The following EYA3 variants were observed in gnomAD, a reference collection of about 807,000 sequenced individuals.
EYA3 encodes protein phosphatase EYA3.
EYA3 carries 39 observed loss-of-function variants against 80.0 expected under a neutral mutation model. That is an observed-to-expected ratio of 0.49 (90% CI 0.38 to 0.64). The LOEUF is 0.64. Among genes scored for constraint, EYA3 ranks in the 30% least tolerant of loss-of-function variants. The pLI is 0.00. For missense variants in EYA3, 523 were observed against 676.1 expected, an observed-to-expected ratio of 0.77 and a Z score of 2.51; for synonymous variants, 206 against 232.8, an observed-to-expected ratio of 0.88 and a Z score of 1.05.
chr1:28,007,354 C>T lies in EYA3; in HGVS notation c.910-2935G>A, dbSNP rs188370402. Among the ~76,000 whole-genome samples the T allele has an allele frequency of 1.4e-3, 194 of 139,186 alleles. 1 individual carries two copies. Among genetic ancestry groups the T allele is most frequent in the Admixed American group, 2.3e-3 (32 of 13,876 alleles). 91.3% of individuals were successfully genotyped at this position (139,186 alleles called of 152,430 possible). On this transcript the variant is annotated intron_variant, in intron 10 of 17. Transcript: ENST00000373871. ...CTTTCTTTCTTTTTTTTTTTTTTTCCGAGACAGTCTTGCTCTGTCACCCAG... is the reference window on the plus strand; with the variant it reads ...CTTTCTTTCTTTTTTTTTTTTTTTCTGAGACAGTCTTGCTCTGTCACCCAG...
At position 28,063,968 on chromosome 1, in the gene EYA3, A is replaced by G. The variant is rs555521390; in HGVS notation, c.-68-5874T>C. The stretch of plus-strand genomic sequence containing the variant: ...AACATTTTTCACCCACACATTTTAG[A>G]CAATTTTTTTTTTTTGGCCAAGATT... On this transcript the variant is annotated intron_variant, in intron 1 of 17. Transcript: ENST00000373871. 1.4e-3 allele frequency among the ~76,000 whole-genome samples: 215 copies of G among 152,196 alleles called. 1 individual carries two copies. Among genetic ancestry groups the G allele is most frequent in the African/African-American group, 4.8e-3 (198 of 41,526 alleles).
intron 1 of EYA3, among the ~76,000 whole-genome samples, chr1:28,067,218 T>C (rs561292404): frequency 1.3e-5 from 2 of 152,340 alleles, no homozygotes; most frequent in South Asian, 4.1e-4. Flanking sequence ...AAGCAAACTC[T>C]ACTTTTAAAA....
At chr1:28,088,039 A>C (rs1645730326) in intron 1 of EYA3, among the ~76,000 whole-genome samples, 1 of 152,184 alleles carries the variant, frequency 6.6e-6, no homozygotes, top group African/African-American at 2.4e-5. Flanking sequence ...CCCAGGAGGA[A>C]GGATCAAAGC....
chr1:28,080,678 C>T (rs1014293414), intron 1 of EYA3, among the ~76,000 whole-genome samples: 1 of 151,116 alleles, frequency 6.6e-6, no homozygotes, highest in Admixed American at 6.6e-5. Context: ...AAAAAAATGG[C>T]CAGTCAAAAA....
chr1:28,030,235 T>C (rs1259719544), intron 6 of EYA3, among the ~76,000 whole-genome samples: 1 of 152,186 alleles, frequency 6.6e-6, no homozygotes, highest in Non-Finnish European at 1.5e-5. Flanking sequence ...TAAGTACATT[T>C]AGGAATAGTA....
chr1:28,028,048 G>A, intron 6 of EYA3, 122 bp from the exon 7 acceptor site: 2 of 1,151,290 alleles, frequency 1.7e-6, no homozygotes, highest in Non-Finnish European at 2.4e-6. Context: ...AAATTTGCTT[G>A]TAAGAGAAAA....
chr1:28,060,073 T>C (rs1030458807), intron 1 of EYA3, among the ~76,000 whole-genome samples: 1 of 152,156 alleles, frequency 6.6e-6, no homozygotes, highest in African/African-American at 2.4e-5. Context: ...TTACATGTTT[T>C]CCCTAATTGA....
At chr1:28,047,194 G>A (rs561290399) in intron 3 of EYA3, among the ~76,000 whole-genome samples, 97 of 151,706 alleles carry the variant, frequency 6.4e-4, no homozygotes, top group Non-Finnish European at 1.2e-3. Context: ...GTGCAGTGGC[G>A]CATTCTTGGC....
intron 1 of EYA3, among the ~76,000 whole-genome samples, chr1:28,072,377 A>C (rs1234485262): frequency 6.6e-6 from 1 of 152,164 alleles, no homozygotes; most frequent in African/African-American, 2.4e-5. Flanking sequence ...CATTCAGAGG[A>C]GATTCCAAAA....
intron 5 of EYA3, among the ~76,000 whole-genome samples, chr1:28,037,597 C>T (rs1381422325): frequency 6.6e-6 from 1 of 152,162 alleles, no homozygotes; most frequent in African/African-American, 2.4e-5. Flanking sequence ...TGTGTTTTCA[C>T]ATTTAGTATC....
rs750864945 is a variant in EYA3 at position 28,017,213 on chromosome 1, A to C, written c.526T>G (p.Ser176Ala). 6.2e-7 allele frequency: 1 copy of C among 1,613,930 alleles called. No homozygotes were observed. The highest frequency in any genetic ancestry group is 8.5e-7 in the Non-Finnish European group (1 of 1,179,830). The change falls in exon 8 of 18, where the codon TCT becomes GCT. Residue 176 changes from serine to alanine, a missense_variant. Transcript: ENST00000373871. ...QASSTNASLI[S>A]TSSTIANIPA... ...ATATTGGCAATTGTAGAAGAAGTAGATATCAGGCTGGCATTTGTGCTTGAA... is the reference window on the plus strand; with the variant it reads ...ATATTGGCAATTGTAGAAGAAGTAGCTATCAGGCTGGCATTTGTGCTTGAA...
At chr1:28,037,748 T>G (rs1424187584) in intron 5 of EYA3, among the ~76,000 whole-genome samples, 2 of 152,234 alleles carry the variant, frequency 1.3e-5, no homozygotes, top group Non-Finnish European at 2.9e-5. Context: ...ACTTTTTAAT[T>G]AGTTTATTTT....
chr1:28,052,674 T>G (rs1644292980), intron 2 of EYA3, among the ~76,000 whole-genome samples: 1 of 152,210 alleles, frequency 6.6e-6, no homozygotes, highest in Non-Finnish European at 1.5e-5. Context: ...CCGGAGGCAG[T>G]GGCTCACACC....
intron 17 of EYA3, 98 bp from the exon 18 acceptor site, chr1:27,974,644 T>C: frequency 1.0e-6 from 1 of 956,938 alleles, no homozygotes; most frequent in South Asian, 1.5e-5. Flanking sequence ...CTCCCCAAGG[T>C]ACATGGTAAC....
Position 28,070,584 on chromosome 1 carries a change from AATAAG to A in EYA3, c.-68-12495_-68-12491del, listed in dbSNP as rs368853288. ...CTCAAAAAAAAGAGAAAGAAATGTA[AATAAG>A]ATAAGAGAACACAACTGTACATACA... is the stretch of plus-strand genomic sequence containing the variant. On this transcript the variant is annotated intron_variant, in intron 1 of 17. Coordinates refer to ENST00000373871, the MANE Select transcript of EYA3 (RefSeq NM_001990.4). Among the ~76,000 whole-genome samples the A allele has an allele frequency of 4.6e-4, 70 of 152,172 alleles. No homozygotes were observed. In the East Asian group the frequency reaches 0.011, roughly 24 times the overall value.
intron 3 of EYA3, among the ~76,000 whole-genome samples, chr1:28,046,802 G>C (rs775548132): frequency 1.3e-5 from 2 of 151,760 alleles, no homozygotes; most frequent in Non-Finnish European, 2.9e-5. Flanking sequence ...GTTTGTAAGG[G>C]ACTAATTACA....
intron 1 of EYA3, among the ~76,000 whole-genome samples, chr1:28,074,448 T>C (rs1189700660): frequency 2.0e-5 from 3 of 152,054 alleles, no homozygotes; most frequent in African/African-American, 7.2e-5. Flanking sequence ...TGGACTAATA[T>C]AATATAGTTC....
At position 28,048,421 on chromosome 1, in the gene EYA3, T is replaced by A. The variant is rs1644114052; in HGVS notation, c.39A>T (p.Lys13Asn). Reference protein sequence around the residue: ...EEQDLPEQPVKKAKMQESGEQ... With the variant: ...EEQDLPEQPVNKAKMQESGEQ... ...CTCCTGATTCCTGCATCTTGGCTTT[T>A]TTCACCTGCAAAAATAAATATACAA... The change falls in exon 3 of 18, where the codon AAA becomes AAT. Residue 13 changes from lysine to asparagine, a missense_variant. Around this residue, in one of 2 missense-constraint regions of EYA3, gnomAD observed 304 missense variants for 343.3 expected, o/e 0.89. Transcript: ENST00000373871. 2 of 1,612,256 alleles carry A rather than the reference T, an allele frequency of 1.2e-6. No homozygotes were observed. Among genetic ancestry groups the A allele is most frequent in the East Asian group, 4.5e-5 (2 of 44,800 alleles).
intron 6 of EYA3, 45 bp from the exon 7 acceptor site, chr1:28,027,971 T>G (rs1188853141): frequency 1.2e-6 from 2 of 1,607,728 alleles, no homozygotes; most frequent in Admixed American, 1.7e-5. Flanking sequence ...ACACTGGGAC[T>G]GAGGAGCATG....
Sources: gnomAD v4.1 joint callset for allele counts (sites outside exome capture counted in the v4.1 genomes callset) on GRCh38, gnomAD v4.1.1 for gene constraint, gnomAD v4.1.1 regional missense constraint, MANE v1.5 for transcripts, NCBI Gene and HGNC (gene_info 2026-07-23, HGNC 2026-07-21) for gene names.